The following LRP1B variants were observed in gnomAD, a reference collection of about 807,000 sequenced individuals.
LRP1B encodes LDL receptor related protein 1B, also known as low-density lipoprotein receptor-related protein 1B.
Under a neutral mutation model 556.6 loss-of-function variants are expected in LRP1B, and 217 were observed. The ratio of observed to expected loss-of-function variants is 0.39; its 90% confidence interval spans 0.35 to 0.44. The LOEUF is 0.44. LRP1B is among the 20% of genes least tolerant of loss of function. LRP1B has a pLI of 1.00. For missense variants in LRP1B, 5,053 were observed against 5,620.8 expected (o/e 0.90, Z 3.23); for synonymous variants, 2,047 against 1,865.8 (o/e 1.10, Z -2.50).
At chr2:141,953,637 G>T (rs1321639992) in intron 1 of LRP1B, among the ~76,000 whole-genome samples, 1 of 152,032 alleles carries the variant, frequency 6.6e-6, no homozygotes, top group African/African-American at 2.4e-5. Context: ...GAGTCGCCTA[G>T]TTTGAGAATC....
intron 43 of LRP1B, among the ~76,000 whole-genome samples, chr2:140,555,414 AG>A (rs1424347034): frequency 6.6e-6 from 1 of 152,120 alleles, no homozygotes; most frequent in Non-Finnish European, 1.5e-5. Context: ...TGGGTGCTAG[AG>A]TCAGAGGTTT....
chr2:141,433,670 T>C (rs961930624), intron 3 of LRP1B, among the ~76,000 whole-genome samples: 1 of 151,906 alleles, frequency 6.6e-6, no homozygotes, highest in Non-Finnish European at 1.5e-5. Context: ...CTTGATGAGT[T>C]GTTTCCACCT....
intron 2 of LRP1B, among the ~76,000 whole-genome samples, chr2:141,589,902 G>C (rs1259871629): frequency 6.6e-6 from 1 of 152,204 alleles, no homozygotes; most frequent in East Asian, 1.9e-4. Flanking sequence ...GTTATTCAAA[G>C]TTCAACAATA....
chr2:142,073,088 C>T (rs765527260), intron 1 of LRP1B, among the ~76,000 whole-genome samples: 3 of 152,100 alleles, frequency 2.0e-5, no homozygotes, highest in Middle Eastern at 6.8e-3. Context: ...TCACTCTCTG[C>T]ACTAATTACA....
intron 1 of LRP1B, among the ~76,000 whole-genome samples, chr2:141,847,965 A>G (rs901442391): frequency 6.6e-6 from 1 of 151,586 alleles, no homozygotes; most frequent in Non-Finnish European, 1.5e-5. Flanking sequence ...TTTATATATA[A>G]TATTTACAAA....
intron 2 of LRP1B, among the ~76,000 whole-genome samples, chr2:141,643,257 A>G (rs1689413716): frequency 6.6e-6 from 1 of 152,098 alleles, no homozygotes; most frequent in South Asian, 2.1e-4. Context: ...TGGCAATGCA[A>G]TAATTAAGGT....
chr2:141,209,961 T>C (rs1417877878), intron 6 of LRP1B, among the ~76,000 whole-genome samples: 1 of 152,262 alleles, frequency 6.6e-6, no homozygotes, highest in East Asian at 1.9e-4. Context: ...ACACAGCTAG[T>C]TAATGACAGA....
intron 1 of LRP1B, among the ~76,000 whole-genome samples, chr2:141,822,336 C>T (rs1393316635): frequency 6.6e-6 from 1 of 151,956 alleles, no homozygotes; most frequent in African/African-American, 2.4e-5. Context: ...TTTAACCTGC[C>T]CTTTTTCAAA....
At chr2:142,084,429 G>A (rs1421540972) in intron 1 of LRP1B, among the ~76,000 whole-genome samples, 1 of 151,320 alleles carries the variant, frequency 6.6e-6, no homozygotes, top group Non-Finnish European at 1.5e-5. Context: ...TCTTAATCAC[G>A]CTCTTCAAGA....
chr2:141,528,540 T>C (rs1419351151), intron 2 of LRP1B, among the ~76,000 whole-genome samples: 1 of 152,082 alleles, frequency 6.6e-6, no homozygotes, highest in Non-Finnish European at 1.5e-5. Flanking sequence ...AACCCACCCA[T>C]TTCAAATAAA....
chr2:141,206,501 G>C (rs1437311850), intron 6 of LRP1B, among the ~76,000 whole-genome samples: 1 of 152,002 alleles, frequency 6.6e-6, no homozygotes, highest in Non-Finnish European at 1.5e-5. Flanking sequence ...AGGGGAGAAC[G>C]GCGTAAATAC....
At chr2:142,035,408 A>G (rs760501407) in intron 1 of LRP1B, among the ~76,000 whole-genome samples, 4 of 151,620 alleles carry the variant, frequency 2.6e-5, no homozygotes, top group African/African-American at 4.8e-5. Context: ...CCTGGGCCCT[A>G]ATTATCCAGG....
intron 1 of LRP1B, among the ~76,000 whole-genome samples, chr2:141,930,871 AT>A (rs376426587): frequency 3.7e-4 from 56 of 152,146 alleles, no homozygotes; most frequent in African/African-American, 1.3e-3. Flanking sequence ...ATATTTTCAT[AT>A]TTCCAACAAA....
intron 3 of LRP1B, among the ~76,000 whole-genome samples, chr2:141,446,442 T>G (rs1318978383): frequency 6.6e-6 from 1 of 152,180 alleles, no homozygotes; most frequent in Non-Finnish European, 1.5e-5. Flanking sequence ...GTGAATTTGA[T>G]CCTGTCATTA....
intron 11 of LRP1B, among the ~76,000 whole-genome samples, chr2:141,038,594 G>T (rs1431175735): frequency 6.6e-6 from 1 of 152,064 alleles, no homozygotes; most frequent in Non-Finnish European, 1.5e-5. Context: ...TGTCGTGGGA[G>T]TTTTCTCAGC....
intron 35 of LRP1B, among the ~76,000 whole-genome samples, chr2:140,728,480 C>T (rs749753669): frequency 6.6e-6 from 1 of 152,134 alleles, no homozygotes; most frequent in Non-Finnish European, 1.5e-5. Context: ...CAGCATGTTG[C>T]ATAAACATAT....
chr2:140,400,627 G>A (rs1482553667), intron 66 of LRP1B, among the ~76,000 whole-genome samples: 2 of 152,282 alleles, frequency 1.3e-5, no homozygotes, highest in South Asian at 2.1e-4. Context: ...AGCAGTGCTA[G>A]CATGTCTCTT....
intron 1 of LRP1B, among the ~76,000 whole-genome samples, chr2:141,960,862 CTA>C (rs1701384323): frequency 6.6e-6 from 1 of 151,708 alleles, no homozygotes; most frequent in South Asian, 2.1e-4. Flanking sequence ...TCAAAGAACA[CTA>C]TTTTAAAAGC....
At chr2:141,002,529 A>C (rs554270992) in intron 15 of LRP1B, among the ~76,000 whole-genome samples, 8 of 152,148 alleles carry the variant, frequency 5.3e-5, no homozygotes, top group Non-Finnish European at 7.4e-5. Context: ...TATAACCTAC[A>C]CATATCCTTT....
Sources: gnomAD v4.1 joint callset for allele counts (sites outside exome capture counted in the v4.1 genomes callset) on GRCh38, gnomAD v4.1.1 for gene constraint, MANE v1.5 for transcripts, NCBI Gene and HGNC (gene_info 2026-07-23, HGNC 2026-07-21) for gene names.